Variants in SEMA6B observed in about 807,000 individuals in gnomAD.
SEMA6B encodes semaphorin-6B.
Under a neutral mutation model 78.6 loss-of-function variants are expected in SEMA6B, and 47 were observed. That is an observed-to-expected ratio of 0.60 (90% CI 0.47 to 0.76). The LOEUF is 0.76. Among genes scored for constraint, SEMA6B ranks in the 30% least tolerant of loss-of-function variants. SEMA6B has a pLI of 0.00. For missense variants in SEMA6B, 1,213 were observed against 1,269.9 expected (o/e 0.96, Z 0.68); for synonymous variants, 632 against 592.2 (o/e 1.07, Z -0.98).
intron 1 of SEMA6B, among the ~76,000 whole-genome samples, chr19:4,559,297 G>A (rs765772584): frequency 6.6e-6 from 1 of 151,552 alleles, no homozygotes; most frequent in Non-Finnish European, 1.5e-5. Flanking sequence ...TGGTAGATCT[G>A]ACCTCCTTCC....
At position 4,543,850 on chromosome 19, in the gene SEMA6B, G is replaced by T. The variant is rs1169075617; in HGVS notation, c.2418C>A (p.Gly806=). The T allele has an allele frequency of 1.7e-4, 206 of 1,210,740 alleles. No homozygotes were observed. Among genetic ancestry groups the T allele is most frequent in the South Asian group, 1.0e-3 (25 of 24,152 alleles). The allele number at this position is 1,210,740 out of a possible 1,614,324, so 75.0% of individuals were successfully genotyped here. Residue 806 remains glycine (G), a synonymous_variant, in exon 17 of 17, where the codon GGC becomes GGA. Transcript: ENST00000586582. ...CGGCGGCTGAGGCTGGGTCCAAGGG[G>T]CCCGTGGGCGCGGACACCACCCGCC... ...DRRRVVSAPT[G]PLDPASAADG...
chr19:4,559,479 T>G (rs989106134), intron 1 of SEMA6B, 51 bp downstream of exon 1: 1 of 152,068 alleles, frequency 6.6e-6, no homozygotes, highest in African/African-American at 2.4e-5. Context: ...GAATTCACCC[T>G]CTGAACCCCC....
Position 4,558,439 on chromosome 19 carries a change from A to T in SEMA6B, c.19T>A (p.Ser7Thr). ...AGCAGCAGGGCCGGGCGGGGAGGGG[A>T]CGCTCGCGGGGTCTGCATGGCGAGG... The part of the protein sequence containing the change: MQTPRA[S>T]PPRPALLLLL... The change falls in exon 2 of 17, where the codon TCC becomes ACC. Residue 7 changes from serine to threonine, a missense_variant. Ser to Thr is a moderately conservative substitution (Grantham distance 58, BLOSUM62 1). Transcript: ENST00000586582. This position sits in a 1 kb window ranked among gnomAD's most constrained non-coding sequence, Gnocchi z 5.1. The T allele has an allele frequency of 8.0e-7, 1 of 1,251,996 alleles. No individual in the cohort carries two copies. The highest frequency in any genetic ancestry group is 4.1e-5 in the Admixed American group (1 of 24,296). 77.6% of individuals were successfully genotyped at this position (1,251,996 alleles called of 1,614,324 possible). A position where few individuals can be genotyped will look rare whatever the true frequency, so the allele number is the denominator to read the frequency against.
At chr19:4,548,555 A>C in intron 12 of SEMA6B, 110 bp from the exon 13 acceptor site, 3 of 961,810 alleles carry the variant, frequency 3.1e-6, no homozygotes, top group Non-Finnish European at 4.7e-6. Context: ...ACACCAACAC[A>C]TGTGACAGCA....
chr19:4,544,653 T>A lies in SEMA6B; in HGVS notation c.1739-124A>T, dbSNP rs1977120616. On this transcript the variant is annotated intron_variant, in intron 16 of 16. Transcript: ENST00000586582. The surrounding 1 kb of genome is among the most constrained non-coding windows in gnomAD (Gnocchi z 5.1). ...TATTTTTTTTTATTTATTTATTTTT[T>A]GAGAAGGAGTCTTCCTTTGTGTGCC... is the stretch of plus-strand genomic sequence containing the variant. The A allele has an allele frequency of 3.8e-6, 2 of 528,060 alleles. No individual in the cohort carries two copies. The highest frequency in any genetic ancestry group is 2.0e-5 in the African/African-American group (1 of 50,622). 32.7% of individuals were successfully genotyped at this position (528,060 alleles called of 1,614,324 possible).
Position 4,552,713 on chromosome 19 carries a change from C to A in SEMA6B, c.772-74G>T. ...AGGCCTGTTCACAGGCTGTGCCACT[C>A]ACCACCCAAACTGTGATGGAGGAGT... On this transcript the variant is annotated intron_variant, in intron 9 of 16. Transcript: ENST00000586582. The surrounding 1 kb of genome is among the most constrained non-coding windows in gnomAD (Gnocchi z 7.4). The A allele has an allele frequency of 9.2e-6, 13 of 1,408,012 alleles. No homozygotes were observed. Among genetic ancestry groups the A allele is most frequent in the Non-Finnish European group, 1.2e-5 (12 of 1,033,278 alleles). The allele number at this position is 1,408,012 out of a possible 1,614,324, so 87.2% of individuals were successfully genotyped here. A position where few individuals can be genotyped will look rare whatever the true frequency, so the allele number is the denominator to read the frequency against.
intron 1 of SEMA6B, 45 bp downstream of exon 1, chr19:4,559,485 C>T (rs117279071): frequency 0.014 from 2,130 of 152,244 alleles, 14 homozygotes; most frequent in Admixed American, 0.023. Context: ...ACCCTCTGAA[C>T]CCCCGCCCTC....
rs779207485 is a variant in SEMA6B at position 4,554,369 on chromosome 19, C to T, written c.771+19G>A. On this transcript the variant is annotated intron_variant, in intron 9 of 16. Coordinates refer to ENST00000586582, the MANE Select transcript of SEMA6B (RefSeq NM_032108.4). ...TGATCAGAGCCTCTCAACTTCATGC[C>T]CCACTGCACCGGCCTCACCTTCTCC... 8.1e-6 allele frequency: 13 copies of T among 1,595,740 alleles called. No individual in the cohort carries two copies. Among genetic ancestry groups the T allele is most frequent in the Admixed American group, 1.7e-5 (1 of 59,916 alleles).
At chr19:4,553,527 G>A (rs925744177) in intron 9 of SEMA6B, among the ~76,000 whole-genome samples, 1 of 151,050 alleles carries the variant, frequency 6.6e-6, no homozygotes, top group Non-Finnish European at 1.5e-5. Flanking sequence ...TAAATGGATG[G>A]ATAGATGGGT....
In SEMA6B at chr19:4,544,250, G is replaced by GGGCCAC; in HGVS notation, c.2017_2018insGTGGCC (p.Ala673delinsGlyGlyPro). The GGGCCAC allele has an allele frequency of 7.8e-7, 1 of 1,279,164 alleles. No individual in the cohort carries two copies. The allele number at this position is 1,279,164 out of a possible 1,614,324, so 79.2% of individuals were successfully genotyped here. A position where few individuals can be genotyped will look rare whatever the true frequency, so the allele number is the denominator to read the frequency against. ...CAGCAGGGCCTCCGGGGGAACCCCG[G>GGGCCAC]CGCCACCGCCACCGCCTCCGCCCCG... On this transcript the variant is annotated protein_altering_variant, in exon 17 of 17. Transcript: ENST00000586582. This position sits in a 1 kb window ranked among gnomAD's most constrained non-coding sequence, Gnocchi z 5.1.
intron 14 of SEMA6B, among the ~76,000 whole-genome samples, chr19:4,547,310 C>A (rs1977196086): frequency 6.6e-6 from 1 of 152,178 alleles, no homozygotes; most frequent in African/African-American, 2.4e-5. Flanking sequence ...TAGAACAAAT[C>A]TGTGTGCAGG....
At chr19:4,554,839 A>T in intron 8 of SEMA6B, 137 bp downstream of exon 8, 1 of 1,132,566 alleles carries the variant, frequency 8.8e-7, no homozygotes, top group Non-Finnish European at 1.2e-6. Context: ...GTCTTCAAAA[A>T]GGCCAACAGA....
chr19:4,543,630 C>T lies in SEMA6B; in HGVS notation c.2638G>A (p.Ala880Thr). 2.4e-6 allele frequency: 3 copies of T among 1,232,098 alleles called. No homozygotes were observed. Among genetic ancestry groups the T allele is most frequent in the Non-Finnish European group, 3.0e-6 (3 of 987,576 alleles). The allele number at this position is 1,232,098 out of a possible 1,614,324, so 76.3% of individuals were successfully genotyped here. A position where few individuals can be genotyped will look rare whatever the true frequency, so the allele number is the denominator to read the frequency against. Reference protein sequence around the residue: ...DLAHLLPYGGADRTAPPVP With the variant: ...DLAHLLPYGGTDRTAPPVP ...GGCACGGGGGGCGCAGTCCTGTCCG[C>T]CCCCCCATAGGGGAGGAGGTGGGCC... Residue 880 changes from alanine (A) to threonine (T), a missense_variant, in exon 17 of 17, where the codon GCG becomes ACG. By Grantham distance (58) the Ala-to-Thr change is moderately conservative (BLOSUM62 0). Transcript: ENST00000586582.
At chr19:4,548,549 C>A in intron 12 of SEMA6B, 104 bp from the exon 13 acceptor site, 1 of 1,044,402 alleles carries the variant, frequency 9.6e-7, no homozygotes, top group Non-Finnish European at 1.4e-6. Context: ...ACTGACACAC[C>A]AACACATGTG....
chr19:4,556,925 C>T (rs1391695932), intron 5 of SEMA6B, 26 bp downstream of exon 5: 5 of 1,606,090 alleles, frequency 3.1e-6, no homozygotes, highest in South Asian at 1.1e-5. Context: ...TTCGCAGGGG[C>T]CGGGACCGAG....
Position 4,550,516 on chromosome 19 carries a change from A to T in SEMA6B, c.1122-244T>A, listed in dbSNP as rs1429343540. On this transcript the variant is annotated intron_variant, in intron 11 of 16. Transcript: ENST00000586582. The surrounding 1 kb of genome is among the most constrained non-coding windows in gnomAD (Gnocchi z 6.6). ...GTGGCTGGGATTACAGGCACGTGCCATCACGCCCGGCTAATTTTTGTATTT... is the reference window on the plus strand; with the variant it reads ...GTGGCTGGGATTACAGGCACGTGCCTTCACGCCCGGCTAATTTTTGTATTT... Among the ~76,000 whole-genome samples, 1 of 152,076 alleles carries T rather than the reference A, an allele frequency of 6.6e-6. No homozygotes were observed. Among genetic ancestry groups the T allele is most frequent in the African/African-American group, 2.4e-5 (1 of 41,422 alleles).
Position 4,543,628 on chromosome 19 carries a change from C to T in SEMA6B, c.2640G>A (p.Ala880=), listed in dbSNP as rs1416614402. The T allele has an allele frequency of 4.1e-6, 5 of 1,233,250 alleles. No homozygotes were observed. Among genetic ancestry groups the T allele is most frequent in the Non-Finnish European group, 5.1e-6 (5 of 988,400 alleles). The allele number at this position is 1,233,250 out of a possible 1,614,324, so 76.4% of individuals were successfully genotyped here. The stretch of plus-strand genomic sequence containing the variant: ...AGGGCACGGGGGGCGCAGTCCTGTC[C>T]GCCCCCCCATAGGGGAGGAGGTGGG... ...DLAHLLPYGG[A]DRTAPPVP is the part of the protein sequence containing the mutation. The change falls in exon 17 of 17, where the codon GCG becomes GCA. Residue 880 remains alanine (A), a synonymous_variant. Coordinates refer to ENST00000586582, the MANE Select transcript of SEMA6B (RefSeq NM_032108.4).
Position 4,543,904 on chromosome 19 carries a change from C to T in SEMA6B, c.2364G>A (p.Pro788=). 1 of 1,202,224 alleles carries T rather than the reference C, an allele frequency of 8.3e-7. No individual in the cohort carries two copies. Among genetic ancestry groups the T allele is most frequent in the South Asian group, 4.2e-5 (1 of 24,076 alleles). The allele number at this position is 1,202,224 out of a possible 1,614,324, so 74.5% of individuals were successfully genotyped here. A position where few individuals can be genotyped will look rare whatever the true frequency, so the allele number is the denominator to read the frequency against. ...GGTCCGGGCTGGCGTGGGGGGTGAG[C>T]GGGAAGTCGCCGTGGGAGGCGCGGC... ...RPGRASHGDF[P]LTPHASPDRR... is the part of the protein sequence containing the mutation. Residue 788 remains proline, a synonymous_variant, in exon 17 of 17, where the codon CCG becomes CCA. Coordinates refer to ENST00000586582, the MANE Select transcript of SEMA6B (RefSeq NM_032108.4).
rs1486509542 is a variant in SEMA6B at position 4,550,936 on chromosome 19, G to A, written c.990-6C>T. ...AGACAGCCGAGCCAGGGATGCTGAG[G>A]GGTTGGGATGAAAGAGTTTGGTGAG... On this transcript the variant is annotated splice_polypyrimidine_tract_variant and splice_region_variant and intron_variant, in intron 10 of 16. Transcript: ENST00000586582. The surrounding 1 kb of genome is among the most constrained non-coding windows in gnomAD (Gnocchi z 6.6). 6.2e-7 allele frequency: 1 copy of A among 1,613,550 alleles called. No individual in the cohort carries two copies. The highest frequency in any genetic ancestry group is 8.5e-7 in the Non-Finnish European group (1 of 1,179,952).
Sources: gnomAD v4.1 joint callset for allele counts (sites outside exome capture counted in the v4.1 genomes callset) on GRCh38, gnomAD v4.1.1 for gene constraint, Gnocchi (gnomAD v3.1) non-coding constraint, MANE v1.5 for transcripts, NCBI Gene and HGNC (gene_info 2026-07-23, HGNC 2026-07-21) for gene names.